The following PRKCE variants were observed in gnomAD, a reference collection of about 807,000 sequenced individuals.
PRKCE encodes the protein protein kinase C epsilon.
A neutral mutation model predicts 85.4 loss-of-function variants in PRKCE; 16 were observed. That is an observed-to-expected ratio of 0.19 (90% CI 0.13 to 0.28). The LOEUF (loss-of-function observed/expected upper bound fraction) is 0.28, where lower values mean the gene tolerates loss of function less well. Among genes scored for constraint, PRKCE ranks in the 10% least tolerant of loss-of-function variants. The probability of loss-of-function intolerance (pLI) is 1.00; values close to 1 mark genes in which losing one functional copy is unlikely to be tolerated. For missense variants in PRKCE, 573 were observed against 975.2 expected (o/e 0.59, Z 5.49); for synonymous variants, 388 against 371.5 (o/e 1.04, Z -0.51).
chr2:45,730,587 G>A (rs1378338351), intron 1 of PRKCE, among the ~76,000 whole-genome samples: 7 of 151,294 alleles, frequency 4.6e-5, no homozygotes, highest in Non-Finnish European at 1.0e-4. Flanking sequence ...AGCCACCTTA[G>A]TAGGTGGGAT....
chr2:45,764,550 C>T (rs1684760522), intron 1 of PRKCE, among the ~76,000 whole-genome samples: 1 of 152,208 alleles, frequency 6.6e-6, no homozygotes, highest in Non-Finnish European at 1.5e-5. Context: ...GTGGGACAGG[C>T]ATGGCCCCGA....
At chr2:45,869,022 G>C (rs1693862237) in intron 2 of PRKCE, among the ~76,000 whole-genome samples, 1 of 151,850 alleles carries the variant, frequency 6.6e-6, no homozygotes, top group African/African-American at 2.4e-5. Flanking sequence ...AGAATTTCCA[G>C]CTGTGTGGTT....
chr2:46,071,926 G>A (rs144553322), intron 10 of PRKCE, among the ~76,000 whole-genome samples: 37 of 152,262 alleles, frequency 2.4e-4, no homozygotes, highest in African/African-American at 6.7e-4. Flanking sequence ...TGCTTAATGC[G>A]GACTACAGGG....
intron 13 of PRKCE, among the ~76,000 whole-genome samples, chr2:46,158,754 T>C (rs1677458782): frequency 6.6e-6 from 1 of 152,238 alleles, no homozygotes; most frequent in African/African-American, 2.4e-5. Flanking sequence ...AATACATACA[T>C]GCCATTATTT....
Position 46,004,445 on chromosome 2 carries a change from T to C in PRKCE, c.967-97T>C. 3.0e-6 allele frequency: 3 copies of C among 1,009,062 alleles called. No homozygotes were observed. The highest frequency in any genetic ancestry group is 4.5e-6 in the Non-Finnish European group (3 of 673,048). 62.5% of individuals were successfully genotyped at this position (1,009,062 alleles called of 1,614,324 possible). On this transcript the variant is annotated intron_variant, in intron 7 of 14. Coordinates refer to ENST00000306156, the MANE Select transcript of PRKCE (RefSeq NM_005400.3). This position sits in a 1 kb window ranked among gnomAD's most constrained non-coding sequence, Gnocchi z 4.1. ...ACTGAATTCCTGCTGCTCTGGGAAC[T>C]CTCATGGCTCTTATACGGCATCTTG...
At chr2:46,168,917 A>G (rs939570796) in intron 14 of PRKCE, among the ~76,000 whole-genome samples, 5 of 152,164 alleles carry the variant, frequency 3.3e-5, no homozygotes, top group African/African-American at 1.2e-4. Context: ...CCTCCTGCCT[A>G]TCTCTGCGGA....
In PRKCE at chr2:46,085,565, TTTCACTCCA is replaced by T. The variant is rs1669523377; in HGVS notation, c.1438-642_1438-634del. Among the ~76,000 whole-genome samples, 2 of 115,444 alleles carry T rather than the reference TTTCACTCCA, an allele frequency of 1.7e-5. 1 individual carries two copies. Among genetic ancestry groups the T allele is most frequent in the African/African-American group, 6.8e-5 (2 of 29,372 alleles). The allele number at this position is 115,444 out of a possible 152,430, so 75.7% of individuals were successfully genotyped here. A position where few individuals can be genotyped will look rare whatever the true frequency, so the allele number is the denominator to read the frequency against. On this transcript the variant is annotated intron_variant, in intron 10 of 14. Coordinates refer to ENST00000306156, the MANE Select transcript of PRKCE (RefSeq NM_005400.3). The stretch of plus-strand genomic sequence containing the variant: ...GTCTGCATCCTTTGGCTTGTGACTG[TTTCACTCCA>T]ATCTCTGCCTCTGTGGCCACTTGGC...
chr2:45,994,513 A>T (rs1330053430), intron 6 of PRKCE, among the ~76,000 whole-genome samples: 2 of 152,170 alleles, frequency 1.3e-5, no homozygotes, highest in Non-Finnish European at 2.9e-5. Flanking sequence ...TACCTTTTCC[A>T]GAATGTCCTA....
At chr2:46,016,999 A>G (rs1387744695) in intron 10 of PRKCE, among the ~76,000 whole-genome samples, 1 of 142,344 alleles carries the variant, frequency 7.0e-6, no homozygotes, top group African/African-American at 2.6e-5. Flanking sequence ...TTCACCTACC[A>G]TACTCTATGG....
chr2:45,847,978 A>G (rs193294818), intron 2 of PRKCE, among the ~76,000 whole-genome samples: 1 of 152,312 alleles, frequency 6.6e-6, no homozygotes, highest in East Asian at 1.9e-4. Flanking sequence ...CCTGACTCAA[A>G]TCCCAGCAGG....
chr2:46,133,052 T>G (rs966989681), intron 11 of PRKCE, among the ~76,000 whole-genome samples: 8 of 152,198 alleles, frequency 5.3e-5, no homozygotes, highest in African/African-American at 1.7e-4. Flanking sequence ...TGGCTCCTTA[T>G]GTGGCTGGAC....
intron 14 of PRKCE, among the ~76,000 whole-genome samples, chr2:46,173,938 T>C (rs1286888339): frequency 6.6e-6 from 1 of 152,206 alleles, no homozygotes; most frequent in Non-Finnish European, 1.5e-5. Context: ...TTTTTTATAG[T>C]TTAGCAAACA....
At chr2:45,842,508 G>C (rs943978589) in intron 1 of PRKCE, among the ~76,000 whole-genome samples, 2 of 152,154 alleles carry the variant, frequency 1.3e-5, no homozygotes, top group Admixed American at 1.3e-4. Flanking sequence ...AGACAGGCTT[G>C]GCATTGAATC....
chr2:45,992,834 G>A (rs1356398598), intron 6 of PRKCE, among the ~76,000 whole-genome samples: 1 of 152,212 alleles, frequency 6.6e-6, no homozygotes, highest in Non-Finnish European at 1.5e-5. Context: ...GTGATAGAAG[G>A]TGAAAGTCAG....
chr2:46,007,308 T>C (rs910273288), intron 8 of PRKCE, among the ~76,000 whole-genome samples, 154 bp from the exon 9 acceptor site: 5 of 152,172 alleles, frequency 3.3e-5, no homozygotes, highest in African/African-American at 1.2e-4. Context: ...GGTGAACAGA[T>C]GAAGGAACAT....
intron 5 of PRKCE, among the ~76,000 whole-genome samples, chr2:45,982,415 G>A (rs574098406): frequency 2.6e-5 from 4 of 152,254 alleles, no homozygotes; most frequent in Admixed American, 1.3e-4. Context: ...GACTTCTTGG[G>A]TGTCCTGCAC....
chr2:45,767,873 T>A (rs1390843790), intron 1 of PRKCE, among the ~76,000 whole-genome samples: 2 of 152,210 alleles, frequency 1.3e-5, no homozygotes, highest in East Asian at 3.8e-4. Context: ...CATTGTAAAC[T>A]AGAAACACCA....
intron 1 of PRKCE, among the ~76,000 whole-genome samples, chr2:45,833,207 A>G (rs1690581961): frequency 6.6e-6 from 1 of 152,166 alleles, no homozygotes; most frequent in Non-Finnish European, 1.5e-5. Context: ...AGCCATTGAT[A>G]AAAGTTCTAT....
At chr2:45,955,190 G>C (rs565735590) in intron 2 of PRKCE, among the ~76,000 whole-genome samples, 1 of 152,304 alleles carries the variant, frequency 6.6e-6, no homozygotes, top group East Asian at 1.9e-4. Context: ...AAAGATCCCT[G>C]TGGACTGCCC....
Sources: gnomAD v4.1 joint callset for allele counts (sites outside exome capture counted in the v4.1 genomes callset) on GRCh38, gnomAD v4.1.1 for gene constraint, Gnocchi (gnomAD v3.1) non-coding constraint, MANE v1.5 for transcripts, NCBI Gene and HGNC (gene_info 2026-07-23, HGNC 2026-07-21) for gene names.